UBE2D2: variants seen among roughly 807,000 people sequenced by gnomAD.
The protein encoded by UBE2D2 is ubiquitin-conjugating enzyme E2 D2.
In UBE2D2, 2 loss-of-function variants were observed where a neutral mutation model predicts 24.2. The ratio of observed to expected loss-of-function variants is 0.08; its 90% CI spans 0.03 to 0.26. The LOEUF (loss-of-function observed/expected upper bound fraction) is 0.26. Ranked by LOEUF, UBE2D2 falls within the 10% of genes least tolerant of loss-of-function variation. UBE2D2 has a pLI of 1.00. For missense variants in UBE2D2, 44 were observed against 177.6 expected (o/e 0.25, Z 4.28); for synonymous variants, 58 against 56.5 (o/e 1.03, Z -0.12).
chr5:139,596,907 C>T (rs947284225), intron 1 of UBE2D2, among the ~76,000 whole-genome samples: 2 of 151,908 alleles, frequency 1.3e-5, no homozygotes, highest in African/African-American at 4.8e-5. Flanking sequence ...ATTAGCCCGG[C>T]GTGGTGGTGG....
At chr5:139,588,292 G>GT (rs1191775873) in intron 1 of UBE2D2, among the ~76,000 whole-genome samples, 1 of 151,698 alleles carries the variant, frequency 6.6e-6, no homozygotes, top group Non-Finnish European at 1.5e-5. Context: ...GACAGAGGGA[G>GT]TTTTGCTGTG....
chr5:139,549,153 G>T (rs931524574), intron 1 of UBE2D2, among the ~76,000 whole-genome samples: 4 of 152,124 alleles, frequency 2.6e-5, no homozygotes, highest in Non-Finnish European at 5.9e-5. Context: ...GGTCTTAAAA[G>T]CCCTGGTTCT....
chr5:139,561,973 C>T, intron 1 of UBE2D2, 158 bp downstream of exon 1: 2 of 1,070,580 alleles, frequency 1.9e-6, no homozygotes, highest in Admixed American at 3.5e-5. Context: ...GTGATGGCGC[C>T]CGTGGAGGCC....
intron 1 of UBE2D2, among the ~76,000 whole-genome samples, chr5:139,546,962 T>TGG (rs1371311981): frequency 6.6e-6 from 1 of 151,394 alleles, no homozygotes; most frequent in Non-Finnish European, 1.5e-5. Context: ...GGCGTCATCT[T>TGG]GGCTCACTGC....
intron 1 of UBE2D2, among the ~76,000 whole-genome samples, chr5:139,573,318 A>C (rs899426599): frequency 6.6e-6 from 1 of 151,962 alleles, no homozygotes; most frequent in African/African-American, 2.4e-5. Flanking sequence ...AAAAAGAAAA[A>C]AAAAAAAGTA....
At chr5:139,564,746 A>T (rs1416817607) in intron 1 of UBE2D2, among the ~76,000 whole-genome samples, 1 of 152,172 alleles carries the variant, frequency 6.6e-6, no homozygotes, top group African/African-American at 2.4e-5. Context: ...GAGCCACGTC[A>T]TCTGGCCTGG....
intron 2 of UBE2D2, among the ~76,000 whole-genome samples, chr5:139,611,517 G>A (rs913060087): frequency 1.3e-5 from 2 of 152,000 alleles, no homozygotes; most frequent in African/African-American, 4.8e-5. Flanking sequence ...TAGAGATGGC[G>A]ACATTCTTAG....
At chr5:139,624,206 A>C (rs918938627) in intron 6 of UBE2D2, among the ~76,000 whole-genome samples, 1 of 152,248 alleles carries the variant, frequency 6.6e-6, no homozygotes, top group South Asian at 2.1e-4. Flanking sequence ...TTTAAAAACA[A>C]AACTTGATGT....
intron 1 of UBE2D2, among the ~76,000 whole-genome samples, chr5:139,534,819 G>A (rs190963592): frequency 4.4e-4 from 67 of 152,136 alleles, no homozygotes; most frequent in African/African-American, 1.4e-3. Flanking sequence ...ATTTCCTATA[G>A]TATTGTTTAG....
At chr5:139,592,327 G>A (rs945470166) in intron 1 of UBE2D2, among the ~76,000 whole-genome samples, 10 of 152,020 alleles carry the variant, frequency 6.6e-5, no homozygotes, top group African/African-American at 2.4e-4. Flanking sequence ...AAATCTTCTT[G>A]GTAGTGAGTT....
intron 1 of UBE2D2, 116 bp downstream of exon 1, chr5:139,561,931 C>G (rs551121133): frequency 7.3e-7 from 1 of 1,365,274 alleles, no homozygotes; most frequent in Non-Finnish European, 9.6e-7. Context: ...CCGGTGCTGG[C>G]CCCTCGGGGC....
intron 1 of UBE2D2, chr5:139,562,248 C>G: frequency 7.3e-7 from 1 of 1,364,458 alleles, no homozygotes; most frequent in Non-Finnish European, 9.7e-7. Flanking sequence ...CCCTAGCTCC[C>G]TCCACAAAAC....
intron 2 of UBE2D2, among the ~76,000 whole-genome samples, chr5:139,601,965 G>T (rs1754089884): frequency 6.6e-6 from 1 of 151,780 alleles, no homozygotes; most frequent in African/African-American, 2.4e-5. Context: ...TTTAAAGTAT[G>T]CATACTTACA....
intron 1 of UBE2D2, among the ~76,000 whole-genome samples, chr5:139,528,161 G>A (rs923987801): frequency 6.6e-6 from 1 of 152,212 alleles, no homozygotes; most frequent in Non-Finnish European, 1.5e-5. Flanking sequence ...CTGAAGGGAT[G>A]CAGTGAGCTT....
At chr5:139,598,806 C>A (rs1441511767) in intron 1 of UBE2D2, among the ~76,000 whole-genome samples, 1 of 151,564 alleles carries the variant, frequency 6.6e-6, no homozygotes, top group African/African-American at 2.4e-5. Context: ...AAGTGATTGG[C>A]GCCACCTTGG....
At chr5:139,563,715 G>A (rs1339052856) in intron 1 of UBE2D2, among the ~76,000 whole-genome samples, 2 of 152,178 alleles carry the variant, frequency 1.3e-5, no homozygotes, top group East Asian at 3.9e-4. Flanking sequence ...GGTGGATCAC[G>A]AGATCAGGAG....
At chr5:139,610,093 G>A (rs1468768968) in intron 2 of UBE2D2, among the ~76,000 whole-genome samples, 1 of 151,984 alleles carries the variant, frequency 6.6e-6, no homozygotes, top group Non-Finnish European at 1.5e-5. Context: ...TTAAAAAATA[G>A]TTTAGTGTAT....
intron 1 of UBE2D2, among the ~76,000 whole-genome samples, chr5:139,588,199 G>T (rs1317102116): frequency 6.6e-6 from 1 of 151,962 alleles, no homozygotes; most frequent in African/African-American, 2.4e-5. Context: ...CTGGCCTCAA[G>T]CAGTCTTACT....
At chr5:139,597,187 T>G (rs1422154048) in intron 1 of UBE2D2, among the ~76,000 whole-genome samples, 1 of 152,206 alleles carries the variant, frequency 6.6e-6, no homozygotes, top group African/African-American at 2.4e-5. Context: ...CTATCACTCC[T>G]CAAATTTTCT....
Sources: gnomAD v4.1 joint callset for allele counts (sites outside exome capture counted in the v4.1 genomes callset) on GRCh38, gnomAD v4.1.1 for gene constraint, MANE v1.5 for transcripts, NCBI Gene and HGNC (gene_info 2026-07-23, HGNC 2026-07-21) for gene names.